FSBP: variants seen among roughly 807,000 people sequenced by gnomAD.
The protein encoded by FSBP is fibrinogen silencer-binding protein.
A neutral mutation model predicts 24.6 loss-of-function variants in FSBP; 18 were observed. The observed-to-expected ratio is 0.73, with a 90% CI of 0.51 to 1.08. The LOEUF is 1.08. Among genes scored for constraint, FSBP ranks in the 50% least tolerant of loss-of-function variants. FSBP has a pLI of 0.00. For synonymous variants in FSBP, 110 were observed against 125.8 expected (o/e 0.87, Z 0.84); for missense variants, 305 against 347.6 (o/e 0.88, Z 0.98).
intron 1 of FSBP, 137 bp from the exon 2 acceptor site, chr8:94,432,793 A>G: frequency 8.7e-7 from 1 of 1,148,312 alleles, no homozygotes; most frequent in Non-Finnish European, 1.1e-6. Context: ...AAAAAATCTT[A>G]AACACTTGAA....
chr8:94,432,001 T>C lies in FSBP; in HGVS notation c.*130A>G. 7.7e-7 allele frequency: 1 copy of C among 1,306,726 alleles called. No individual in the cohort carries two copies. Among genetic ancestry groups the C allele is most frequent in the Non-Finnish European group, 9.8e-7 (1 of 1,025,516 alleles). 80.9% of individuals were successfully genotyped at this position (1,306,726 alleles called of 1,614,324 possible). A position where few individuals can be genotyped will look rare whatever the true frequency, so the allele number is the denominator to read the frequency against. ...AAAAGAAAATAATTAGAAAATTATA[T>C]CTAAAAAGTTTTTCCATAATAGAGA... is the stretch of plus-strand genomic sequence containing the variant. On this transcript the variant is annotated 3_prime_UTR_variant, in exon 2 of 2. Coordinates refer to ENST00000481490, the MANE Select transcript of FSBP (RefSeq NM_001256141.2).
rs1199841719 is a variant in FSBP at position 94,429,694 on chromosome 8, T to C, written c.*2437A>G. ...CTCAAAGAAAAGTCATAGCACAGAT[T>C]AAAGAGAAAAGGTAACATTGTCAAA... On this transcript the variant is annotated 3_prime_UTR_variant, in exon 2 of 2. Transcript: ENST00000481490. 5.1e-6 allele frequency: 5 copies of C among 983,248 alleles called. No individual in the cohort carries two copies. The East Asian group carries it at 5.7e-4, about 112-fold the overall frequency. 60.9% of individuals were successfully genotyped at this position (983,248 alleles called of 1,614,324 possible). A position where few individuals can be genotyped will look rare whatever the true frequency, so the allele number is the denominator to read the frequency against.
chr8:94,427,796 C>T lies in FSBP; in HGVS notation c.*4335G>A. 2.1e-6 allele frequency: 2 copies of T among 955,834 alleles called. No homozygotes were observed. Among genetic ancestry groups the T allele is most frequent in the Non-Finnish European group, 2.5e-6 (2 of 803,316 alleles). The allele number at this position is 955,834 out of a possible 1,614,324, so 59.2% of individuals were successfully genotyped here. ...CATTATCTACAGTATATATTAAACA[C>T]AATTTATTACACTCTAAGTTATTTA... On this transcript the variant is annotated 3_prime_UTR_variant, in exon 2 of 2. Coordinates refer to ENST00000481490, the MANE Select transcript of FSBP (RefSeq NM_001256141.2).
rs1328886614 is a variant in FSBP at position 94,429,256 on chromosome 8, A to C, written c.*2875T>G. The C allele has an allele frequency of 2.0e-6, 1 of 506,388 alleles. No individual in the cohort carries two copies. Among genetic ancestry groups the C allele is most frequent in the Non-Finnish European group, 2.5e-6 (1 of 392,646 alleles). 31.4% of individuals were successfully genotyped at this position (506,388 alleles called of 1,614,324 possible). On this transcript the variant is annotated 3_prime_UTR_variant, in exon 2 of 2. Transcript: ENST00000481490. Reference sequence around the variant, plus strand: ...TTAAACAATGCTGCAGAAAAATATGATTGTAGCAGACTATGTTTATGCTAT... The same window carrying C: ...TTAAACAATGCTGCAGAAAAATATGCTTGTAGCAGACTATGTTTATGCTAT...
chr8:94,432,452 C>T lies in FSBP; in HGVS notation c.579G>A (p.Ser193=), dbSNP rs970255249. ...TCATATCAACAGAGGAAAGTGAAGG[C>T]GACAAGGATCTTTCCATAACATGTA... is the stretch of plus-strand genomic sequence containing the variant. ...ELVHVMERSL[S]PSLSSVDMRM... The change falls in exon 2 of 2, where the codon TCG becomes TCA. Residue 193 remains serine (S), a synonymous_variant. Transcript: ENST00000481490. 15 of 1,550,262 alleles carry T rather than the reference C, an allele frequency of 9.7e-6. 1 individual carries two copies. The highest frequency in any genetic ancestry group is 1.4e-5 in the African/African-American group (1 of 73,004).
Position 94,430,274 on chromosome 8 carries a change from G to T in FSBP, c.*1857C>A. On this transcript the variant is annotated 3_prime_UTR_variant, in exon 2 of 2. Coordinates refer to ENST00000481490, the MANE Select transcript of FSBP (RefSeq NM_001256141.2). ...TGCAGTGAGCCAACATCGCACCACT[G>T]CACTCCAACCTAGGTGACAAAGCAA... 5.6e-6 allele frequency: 5 copies of T among 889,048 alleles called. No homozygotes were observed. The highest frequency in any genetic ancestry group is 6.7e-6 in the Non-Finnish European group (5 of 746,178). The allele number at this position is 889,048 out of a possible 1,614,324, so 55.1% of individuals were successfully genotyped here.
In FSBP at chr8:94,433,399, T is replaced by C. The variant is rs188415998; in HGVS notation, c.375-743A>G. ...TGTATACTCAGTACCTAGCAGGTAC[T>C]GTACTTAGAACCTAGTAGGTGCTCA... On this transcript the variant is annotated intron_variant, in intron 1 of 1. Transcript: ENST00000481490. 1.2e-3 allele frequency among the ~76,000 whole-genome samples: 184 copies of C among 152,176 alleles called. 1 individual carries two copies. Among genetic ancestry groups the C allele is most frequent in the African/African-American group, 4.3e-3 (177 of 41,558 alleles).
In FSBP at chr8:94,431,404, C is replaced by A. The variant is rs1304951910; in HGVS notation, c.*727G>T. 7 of 984,598 alleles carry A rather than the reference C, an allele frequency of 7.1e-6. No homozygotes were observed. The highest frequency in any genetic ancestry group is 1.7e-5 in the African/African-American group (1 of 57,154). The allele number at this position is 984,598 out of a possible 1,614,324, so 61.0% of individuals were successfully genotyped here. A position where few individuals can be genotyped will look rare whatever the true frequency, so the allele number is the denominator to read the frequency against. Reference sequence around the variant, plus strand: ...TGATGTAATTATCCTGATTTCACAACCTAACAATCTTTAAAGGCAATTTTA... The same window carrying A: ...TGATGTAATTATCCTGATTTCACAAACTAACAATCTTTAAAGGCAATTTTA... On this transcript the variant is annotated 3_prime_UTR_variant, in exon 2 of 2. Transcript: ENST00000481490.
intron 1 of FSBP, among the ~76,000 whole-genome samples, chr8:94,434,199 T>C (rs1013536346): frequency 2.0e-5 from 3 of 152,040 alleles, no homozygotes; most frequent in South Asian, 4.1e-4. Flanking sequence ...TAAAACCACA[T>C]AATTACTATT....
At chr8:94,432,720 C>A in intron 1 of FSBP, 64 bp from the exon 2 acceptor site, 1 of 1,380,416 alleles carries the variant, frequency 7.2e-7, no homozygotes, top group Non-Finnish European at 9.4e-7. Flanking sequence ...ATATTTATAG[C>A]ATAATTTTAA....
At chr8:94,434,221 T>C (rs1802560125) in intron 1 of FSBP, among the ~76,000 whole-genome samples, 1 of 151,942 alleles carries the variant, frequency 6.6e-6, no homozygotes, top group Non-Finnish European at 1.5e-5. Context: ...CAAATTAGTA[T>C]GTAAAATAGA....
Position 94,430,432 on chromosome 8 carries a change from T to C in FSBP, c.*1699A>G. The C allele has an allele frequency of 1.0e-6, 1 of 985,334 alleles. No individual in the cohort carries two copies. The highest frequency in any genetic ancestry group is 4.7e-5 in the South Asian group (1 of 21,288). 61.0% of individuals were successfully genotyped at this position (985,334 alleles called of 1,614,324 possible). ...CAAAAATTTTGAGACTAGTATGATT[T>C]AGGCACCAAGCGAGGTTCCAAAATA... On this transcript the variant is annotated 3_prime_UTR_variant, in exon 2 of 2. Transcript: ENST00000481490.
In FSBP at chr8:94,427,906, G is replaced by C. The variant is rs1263648292; in HGVS notation, c.*4225C>G. On this transcript the variant is annotated 3_prime_UTR_variant, in exon 2 of 2. Transcript: ENST00000481490. ...GTTTAAACATTTTCACATAAGTAAA[G>C]ATAGAACAGGGTAGAATGACTCCTT... 22 of 932,916 alleles carry C rather than the reference G, an allele frequency of 2.4e-5. No individual in the cohort carries two copies. Among genetic ancestry groups the C allele is most frequent in the Non-Finnish European group, 2.8e-5 (22 of 784,276 alleles). 57.8% of individuals were successfully genotyped at this position (932,916 alleles called of 1,614,324 possible). A position where few individuals can be genotyped will look rare whatever the true frequency, so the allele number is the denominator to read the frequency against.
Position 94,431,408 on chromosome 8 carries a change from A to G in FSBP, c.*723T>C. The stretch of plus-strand genomic sequence containing the variant: ...GTAATTATCCTGATTTCACAACCTA[A>G]CAATCTTTAAAGGCAATTTTAATGA... On this transcript the variant is annotated 3_prime_UTR_variant, in exon 2 of 2. Transcript: ENST00000481490. The G allele has an allele frequency of 1.0e-6, 1 of 984,648 alleles. No individual in the cohort carries two copies. Among genetic ancestry groups the G allele is most frequent in the Non-Finnish European group, 1.2e-6 (1 of 829,234 alleles). 61.0% of individuals were successfully genotyped at this position (984,648 alleles called of 1,614,324 possible). A position where few individuals can be genotyped will look rare whatever the true frequency, so the allele number is the denominator to read the frequency against.
Position 94,429,922 on chromosome 8 carries a change from T to C in FSBP, c.*2209A>G. On this transcript the variant is annotated 3_prime_UTR_variant, in exon 2 of 2. Coordinates refer to ENST00000481490, the MANE Select transcript of FSBP (RefSeq NM_001256141.2). Reference sequence around the variant, plus strand: ...GTTCTTCCAATACAATGCCTGTCCCTAAATGCCACTCCTCCTAAATCACAA... The same window carrying C: ...GTTCTTCCAATACAATGCCTGTCCCCAAATGCCACTCCTCCTAAATCACAA... 1.0e-6 allele frequency: 1 copy of C among 985,406 alleles called. No homozygotes were observed. The highest frequency in any genetic ancestry group is 1.2e-6 in the Non-Finnish European group (1 of 829,928). The allele number at this position is 985,406 out of a possible 1,614,324, so 61.0% of individuals were successfully genotyped here.
rs1047576664 is a variant in FSBP, at chr8:94,431,319, C to T, written c.*812G>A. 1.0e-6 allele frequency: 1 copy of T among 976,686 alleles called. No homozygotes were observed. The highest frequency in any genetic ancestry group is 4.7e-5 in the South Asian group (1 of 21,088). 60.5% of individuals were successfully genotyped at this position (976,686 alleles called of 1,614,324 possible). A position where few individuals can be genotyped will look rare whatever the true frequency, so the allele number is the denominator to read the frequency against. ...ATCACACAGCCAAAATATATAATAG[C>T]TTCAATGGAATACCTTATCTATTTT... On this transcript the variant is annotated 3_prime_UTR_variant, in exon 2 of 2. Coordinates refer to ENST00000481490, the MANE Select transcript of FSBP (RefSeq NM_001256141.2).
At position 94,430,861 on chromosome 8, in the gene FSBP, A is replaced by T; in HGVS notation, c.*1270T>A. The T allele has an allele frequency of 5.1e-6, 5 of 985,446 alleles. No homozygotes were observed. Among genetic ancestry groups the T allele is most frequent in the Non-Finnish European group, 6.0e-6 (5 of 829,932 alleles). 61.0% of individuals were successfully genotyped at this position (985,446 alleles called of 1,614,324 possible). On this transcript the variant is annotated 3_prime_UTR_variant, in exon 2 of 2. Coordinates refer to ENST00000481490, the MANE Select transcript of FSBP (RefSeq NM_001256141.2). The stretch of plus-strand genomic sequence containing the variant: ...TCCAGGGAGATGTCCTTCCTAGTCC[A>T]GGATACTACAGCCCAAATTGACTCT...
rs1039845933 is a variant in FSBP at position 94,430,991 on chromosome 8, C to T, written c.*1140G>A. The T allele has an allele frequency of 3.0e-6, 3 of 985,236 alleles. No homozygotes were observed. In the African/African-American group the frequency reaches 5.2e-5, roughly 17 times the overall value. The allele number at this position is 985,236 out of a possible 1,614,324, so 61.0% of individuals were successfully genotyped here. A position where few individuals can be genotyped will look rare whatever the true frequency, so the allele number is the denominator to read the frequency against. On this transcript the variant is annotated 3_prime_UTR_variant, in exon 2 of 2. Coordinates refer to ENST00000481490, the MANE Select transcript of FSBP (RefSeq NM_001256141.2). The stretch of plus-strand genomic sequence containing the variant: ...CTTTTTTCCAGCGTCTCACTCTTGA[C>T]TTCAAACACCCATGGTCCCCTTCAC...
Position 94,431,847 on chromosome 8 carries a change from G to T in FSBP, c.*284C>A. On this transcript the variant is annotated 3_prime_UTR_variant, in exon 2 of 2. Coordinates refer to ENST00000481490, the MANE Select transcript of FSBP (RefSeq NM_001256141.2). ...TTTGAAAGAATATGTGTTTGTATAT[G>T]CATTTGTGTATATCTTAGTGATCAG... 9.4e-7 allele frequency: 1 copy of T among 1,068,174 alleles called. No individual in the cohort carries two copies. The allele number at this position is 1,068,174 out of a possible 1,614,324, so 66.2% of individuals were successfully genotyped here. A position where few individuals can be genotyped will look rare whatever the true frequency, so the allele number is the denominator to read the frequency against.
Sources: gnomAD v4.1 joint callset for allele counts (sites outside exome capture counted in the v4.1 genomes callset) on GRCh38, gnomAD v4.1.1 for gene constraint, MANE v1.5 for transcripts, NCBI Gene and HGNC (gene_info 2026-07-23, HGNC 2026-07-21) for gene names.